SAMD5: variants seen among roughly 807,000 people sequenced by gnomAD.
SAMD5 encodes the protein sterile alpha motif domain containing 5.
In SAMD5, 13 loss-of-function variants were observed where a neutral mutation model predicts 11.3. The ratio of observed to expected loss-of-function variants is 1.15; its 90% CI spans 0.75 to 1.83. SAMD5 has a LOEUF of 1.83. Among genes scored for constraint, SAMD5 ranks in the 40% most tolerant of loss-of-function variants. SAMD5 has a pLI of 0.00. For synonymous variants in SAMD5, 129 were observed against 111.3 expected (o/e 1.16, Z -1.00); for missense variants, 255 against 239.1 (o/e 1.07, Z -0.44).
the SAMD5 span, among the ~76,000 whole-genome samples, chr6:147,877,847 T>TACACACACACACACACAC: frequency 1.5e-3 from 167 of 113,098 alleles, 1 homozygote; most frequent in East Asian, 0.011. Flanking sequence ...TTTATATAAA[T>TACACACACACACACACAC]ACACACACAC....
At chr6:147,750,117 A>T in the SAMD5 span, among the ~76,000 whole-genome samples, 1 of 152,224 alleles carries the variant, frequency 6.6e-6, no homozygotes, top group Admixed American at 6.5e-5. Flanking sequence ...TATGTGTTTT[A>T]TAGAACTTCT....
the SAMD5 span, among the ~76,000 whole-genome samples, chr6:147,834,971 G>A: frequency 1.3e-5 from 2 of 152,170 alleles, no homozygotes; most frequent in Admixed American, 6.5e-5. Context: ...GCTCACGCCT[G>A]TAATCCCAGC....
chr6:147,623,700 T>C (rs1269014521), intron 1 of SAMD5, among the ~76,000 whole-genome samples: 1 of 152,184 alleles, frequency 6.6e-6, no homozygotes, highest in East Asian at 1.9e-4. Flanking sequence ...TTATGCCTGA[T>C]GTATCTGAAA....
chr6:147,599,007 A>G (rs987813863), intron 1 of SAMD5, among the ~76,000 whole-genome samples: 10 of 152,228 alleles, frequency 6.6e-5, no homozygotes, highest in Non-Finnish European at 1.5e-4. Flanking sequence ...ACACTGTGTC[A>G]TGGAACACTG....
the SAMD5 span, among the ~76,000 whole-genome samples, chr6:147,848,059 T>C: frequency 1.3e-5 from 2 of 152,182 alleles, no homozygotes; most frequent in African/African-American, 4.8e-5. Context: ...AACATAACTT[T>C]TGATGTCCAA....
At chr6:147,950,317 C>A in the SAMD5 span, among the ~76,000 whole-genome samples, 1 of 152,200 alleles carries the variant, frequency 6.6e-6, no homozygotes, top group African/African-American at 2.4e-5. Context: ...CCTGTAGGTT[C>A]TGGCTGAAGA....
At chr6:147,739,676 A>G (rs1471341968), downstream of SAMD5, among the ~76,000 whole-genome samples, 2 of 152,206 alleles carry the variant, frequency 1.3e-5, no homozygotes, top group Non-Finnish European at 2.9e-5. Context: ...TTTTCTGGAA[A>G]AAGAGAAAAT....
chr6:147,666,500 CAG>C (rs1198231266), intron 1 of SAMD5, among the ~76,000 whole-genome samples: 1 of 152,176 alleles, frequency 6.6e-6, no homozygotes, highest in Non-Finnish European at 1.5e-5. Flanking sequence ...AGCTCCCTGT[CAG>C]AGAGCTTGCT....
chr6:147,646,130 C>A (rs1292454062), intron 1 of SAMD5, among the ~76,000 whole-genome samples: 1 of 152,122 alleles, frequency 6.6e-6, no homozygotes, highest in South Asian at 2.1e-4. Flanking sequence ...GAGGTGCCAA[C>A]CCCCTGTGCA....
the SAMD5 span, among the ~76,000 whole-genome samples, chr6:147,939,651 A>C: frequency 6.6e-6 from 1 of 152,168 alleles, no homozygotes; most frequent in African/African-American, 2.4e-5. Context: ...GTAGAGGAGA[A>C]ATAGTAGCAA....
At chr6:147,712,957 A>C (rs1315459506) in intron 1 of SAMD5, among the ~76,000 whole-genome samples, 1 of 152,208 alleles carries the variant, frequency 6.6e-6, no homozygotes, top group African/African-American at 2.4e-5. Flanking sequence ...ACTATTATTC[A>C]AACCATCGGG....
chr6:147,763,527 T>C, the SAMD5 span, among the ~76,000 whole-genome samples: 1 of 151,934 alleles, frequency 6.6e-6, no homozygotes, highest in Non-Finnish European at 1.5e-5. Flanking sequence ...AGTTTTTACA[T>C]AATGTTCTTT....
intron 1 of SAMD5, among the ~76,000 whole-genome samples, chr6:147,583,506 TACA>T (rs149172627): frequency 0.034 from 5,119 of 152,246 alleles, 118 homozygotes; most frequent in Middle Eastern, 0.075. Context: ...AGAGAGAAAG[TACA>T]ACATTATTAT....
chr6:147,838,319 G>T, the SAMD5 span, among the ~76,000 whole-genome samples: 11 of 152,222 alleles, frequency 7.2e-5, no homozygotes, highest in South Asian at 4.1e-4. Flanking sequence ...AGAACCTGGA[G>T]GCAGGTATCA....
chr6:147,536,982 A>G, intron 1 of SAMD5, among the ~76,000 whole-genome samples: 1 of 152,132 alleles, frequency 6.6e-6, no homozygotes, highest in Non-Finnish European at 1.5e-5. Context: ...AAGAGGACCA[A>G]AGTGAGACAA....
chr6:147,914,028 G>T, the SAMD5 span, among the ~76,000 whole-genome samples: 1 of 152,146 alleles, frequency 6.6e-6, no homozygotes, highest in Non-Finnish European at 1.5e-5. Flanking sequence ...TGGAGTCCTG[G>T]TTAAGATGAG....
intron 1 of SAMD5, among the ~76,000 whole-genome samples, chr6:147,634,799 TC>T (rs1480028643): frequency 6.6e-6 from 1 of 152,210 alleles, no homozygotes; most frequent in African/African-American, 2.4e-5. Flanking sequence ...GAGTTCAGCA[TC>T]TTTTTGGCTT....
chr6:147,867,043 A>T, the SAMD5 span, among the ~76,000 whole-genome samples: 3 of 152,186 alleles, frequency 2.0e-5, no homozygotes, highest in African/African-American at 7.2e-5. Context: ...CTAAGATCCA[A>T]GCTAGGAAAA....
At chr6:147,753,524 A>G in the SAMD5 span, among the ~76,000 whole-genome samples, 1 of 152,186 alleles carries the variant, frequency 6.6e-6, no homozygotes, top group African/African-American at 2.4e-5. Context: ...TGGGATAGGT[A>G]TCCGTCCCCT....
Sources: gnomAD v4.1 joint callset for allele counts (sites outside exome capture counted in the v4.1 genomes callset) on GRCh38, gnomAD v4.1.1 for gene constraint, MANE v1.5 for transcripts, NCBI Gene and HGNC (gene_info 2026-07-23, HGNC 2026-07-21) for gene names.